CAST: variants seen among roughly 807,000 people sequenced by gnomAD.
The protein encoded by CAST is calpastatin.
Under a neutral mutation model 119.6 loss-of-function variants are expected in CAST, and 76 were observed. The ratio of observed to expected loss-of-function variants is 0.64; its 90% CI spans 0.53 to 0.77. CAST has a LOEUF of 0.77. CAST is among the 30% of genes least tolerant of loss of function. CAST has a pLI of 0.00. For missense variants in CAST, 953 were observed against 946.5 expected, an observed-to-expected ratio of 1.01 and a Z score of -0.09; for synonymous variants, 319 against 331.6, an observed-to-expected ratio of 0.96 and a Z score of 0.41.
chr5:96,669,756 A>T (rs1749820681), intron 1 of CAST, among the ~76,000 whole-genome samples: 1 of 152,022 alleles, frequency 6.6e-6, no homozygotes, highest in African/African-American at 2.4e-5. Flanking sequence ...GACCCTGGGA[A>T]CCTCCCCATG....
chr5:96,284,231 G>A, the CAST span, among the ~76,000 whole-genome samples: 1 of 152,200 alleles, frequency 6.6e-6, no homozygotes, highest in Non-Finnish European at 1.5e-5. Flanking sequence ...AGATCAATTT[G>A]TGCCTCTCAG....
chr5:96,055,870 GC>G, the CAST span, among the ~76,000 whole-genome samples: 1 of 152,110 alleles, frequency 6.6e-6, no homozygotes, highest in Non-Finnish European at 1.5e-5. Context: ...AATAGGTGAA[GC>G]TTTGTTGATG....
At chr5:95,970,923 A>C in the CAST span, among the ~76,000 whole-genome samples, 173 of 152,332 alleles carry the variant, frequency 1.1e-3, 1 homozygote, top group African/African-American at 4.0e-3. Context: ...AAGAAGTATA[A>C]GGTATAATTT....
At chr5:96,192,115 G>T in the CAST span, among the ~76,000 whole-genome samples, 1 of 152,158 alleles carries the variant, frequency 6.6e-6, no homozygotes, top group African/African-American at 2.4e-5. Flanking sequence ...GAGGATATAA[G>T]GGAATAGAAT....
At position 96,532,963 on chromosome 5, in the gene CAST, T is replaced by G. The variant is rs377429027; in HGVS notation, c.60+3083T>G. Reference sequence around the variant, plus strand: ...TTGCTTGAGCCTGGAAGGTTGAGGCTGCAGTGAGCCATGATTGTGCCACTG... The same window carrying G: ...TTGCTTGAGCCTGGAAGGTTGAGGCGGCAGTGAGCCATGATTGTGCCACTG... On this transcript the variant is annotated intron_variant, in intron 1 of 11. Transcript: ENST00000505143. Among the ~76,000 whole-genome samples, 8 of 151,622 alleles carry G rather than the reference T, an allele frequency of 5.3e-5. 1 individual carries two copies. In the East Asian group the frequency reaches 1.2e-3, roughly 22 times the overall value.
At chr5:96,387,246 A>G in the CAST span, among the ~76,000 whole-genome samples, 5 of 152,204 alleles carry the variant, frequency 3.3e-5, no homozygotes, top group Non-Finnish European at 7.3e-5. Context: ...AATGATTAGA[A>G]TAGTATCATT....
chr5:96,697,175 GAAA>G (rs1243342568), intron 3 of CAST, among the ~76,000 whole-genome samples: 1 of 150,466 alleles, frequency 6.6e-6, no homozygotes, highest in African/African-American at 2.4e-5. Context: ...TCAAAAAAAA[GAAA>G]AAAAAAGTTG....
the CAST span, among the ~76,000 whole-genome samples, chr5:96,421,574 G>T: frequency 6.6e-6 from 1 of 152,182 alleles, no homozygotes; most frequent in Non-Finnish European, 1.5e-5. Flanking sequence ...GGGGAGGGAT[G>T]GGCTCAAAGT....
intron 18 of CAST, among the ~76,000 whole-genome samples, 154 bp from the exon 19 acceptor site, chr5:96,748,364 G>A (rs1007484009): frequency 1.1e-4 from 16 of 152,002 alleles, no homozygotes; most frequent in African/African-American, 3.9e-4. Flanking sequence ...TCTTAACGTT[G>A]ATAAATGAAA....
At chr5:96,417,194 C>T in the CAST span, among the ~76,000 whole-genome samples, 1 of 152,166 alleles carries the variant, frequency 6.6e-6, no homozygotes, top group Non-Finnish European at 1.5e-5. Flanking sequence ...ATTGACTGGC[C>T]ATCAAGAAGA....
the CAST span, among the ~76,000 whole-genome samples, chr5:96,270,712 G>T: frequency 1.3e-5 from 2 of 152,014 alleles, no homozygotes; most frequent in Non-Finnish European, 2.9e-5. Flanking sequence ...ATCCGAGGGG[G>T]TGAGGTTGGG....
At chr5:96,695,715 G>A (rs1753202913) in intron 2 of CAST, 121 bp from the exon 3 acceptor site, 3 of 568,240 alleles carry the variant, frequency 5.3e-6, no homozygotes, top group Non-Finnish European at 6.4e-6. Flanking sequence ...TACTTTGGGT[G>A]TGTTTCAAAT....
the CAST span, among the ~76,000 whole-genome samples, chr5:96,417,957 A>G: frequency 1.3e-5 from 2 of 152,244 alleles, no homozygotes; most frequent in Non-Finnish European, 2.9e-5. Context: ...ATGGGAGACA[A>G]GGCTCAGGTC....
chr5:96,411,188 C>A, the CAST span, among the ~76,000 whole-genome samples: 1 of 152,224 alleles, frequency 6.6e-6, no homozygotes, highest in African/African-American at 2.4e-5. Flanking sequence ...CTGGCCCTGC[C>A]AGTCTCTGGG....
the CAST span, among the ~76,000 whole-genome samples, chr5:96,141,344 G>A: frequency 2.6e-5 from 4 of 152,246 alleles, no homozygotes; most frequent in African/African-American, 7.2e-5. Context: ...AACCTCCATC[G>A]CATAGAAATG....
intron 1 of CAST, among the ~76,000 whole-genome samples, chr5:96,655,712 T>C (rs995112602): frequency 4.6e-5 from 7 of 152,228 alleles, no homozygotes; most frequent in Non-Finnish European, 8.8e-5. Context: ...GTGGGCACAA[T>C]AGTTGGTTAT....
chr5:96,052,250 C>T, the CAST span, among the ~76,000 whole-genome samples: 1 of 152,134 alleles, frequency 6.6e-6, no homozygotes, highest in African/African-American at 2.4e-5. Flanking sequence ...TCACGTGGGC[C>T]CCTTTGGCAA....
At chr5:96,166,159 C>T in the CAST span, among the ~76,000 whole-genome samples, 9 of 152,028 alleles carry the variant, frequency 5.9e-5, no homozygotes, top group Admixed American at 5.2e-4. Flanking sequence ...GTGTTTCCCC[C>T]CTGCAGATAA....
chr5:96,301,828 C>T, the CAST span, among the ~76,000 whole-genome samples: 5 of 152,188 alleles, frequency 3.3e-5, no homozygotes, highest in South Asian at 2.1e-4. Context: ...ACTGTCACTG[C>T]GTGCCTGTGG....
Sources: allele counts gnomAD v4.1 joint callset (sites outside exome capture counted in the v4.1 genomes callset), GRCh38; gene constraint gnomAD v4.1.1; transcripts MANE v1.5; gene names NCBI Gene and HGNC (gene_info 2026-07-23, HGNC 2026-07-21).